IMPA2: variants seen among roughly 807,000 people sequenced by gnomAD.
IMPA2 encodes the protein IMP 2.
IMPA2 carries 32 observed loss-of-function variants against 35.1 expected under a neutral mutation model. That is an observed-to-expected ratio of 0.91 (90% CI 0.69 to 1.23). The LOEUF is 1.23. Among genes scored for constraint, IMPA2 ranks in the 50% most tolerant of loss-of-function variants. The pLI is 0.00. For missense variants in IMPA2, 334 were observed against 387.6 expected, an observed-to-expected ratio of 0.86 and a Z score of 1.16; for synonymous variants, 135 against 160.6, an observed-to-expected ratio of 0.84 and a Z score of 1.20.
In IMPA2 at chr18:12,014,172, C is replaced by G. The variant is rs990857190; in HGVS notation, c.382-93C>G. On this transcript the variant is annotated intron_variant, in intron 4 of 7. Transcript: ENST00000269159. ...ACAGTGTAATGTGTTATCCTAACGC[C>G]TAGCGCAGCCTTCATCTTTGAATAA... is the stretch of plus-strand genomic sequence containing the variant. The G allele has an allele frequency of 9.3e-6, 8 of 856,050 alleles. No individual in the cohort carries two copies. The African/African-American group carries it at 1.3e-4, about 14-fold the overall frequency. 53.0% of individuals were successfully genotyped at this position (856,050 alleles called of 1,614,324 possible). A position where few individuals can be genotyped will look rare whatever the true frequency, so the allele number is the denominator to read the frequency against.
chr18:12,016,393 T>G (rs1907579286), intron 5 of IMPA2, among the ~76,000 whole-genome samples: 1 of 151,698 alleles, frequency 6.6e-6, no homozygotes, highest in Non-Finnish European at 1.5e-5. Context: ...CTTGGCACCA[T>G]GCAGACCCAA....
intron 4 of IMPA2, chr18:12,012,457 A>G (rs1327036016): frequency 1.8e-6 from 1 of 550,946 alleles, no homozygotes. Flanking sequence ...GCCTCGTGTC[A>G]ACCGTGGTCT....
intron 5 of IMPA2, among the ~76,000 whole-genome samples, chr18:12,020,610 A>G (rs1471150714): frequency 6.6e-6 from 1 of 151,882 alleles, no homozygotes; most frequent in Non-Finnish European, 1.5e-5. Context: ...TTGGGCTTTC[A>G]CTATCATTTC....
chr18:12,028,733 T>C, intron 6 of IMPA2, 109 bp from the exon 7 acceptor site: 1 of 1,302,136 alleles, frequency 7.7e-7, no homozygotes, highest in Non-Finnish European at 1.1e-6. Flanking sequence ...CTGTGCTTCA[T>C]TTTTCACTAG....
chr18:12,026,844 A>T (rs992246596), intron 5 of IMPA2, among the ~76,000 whole-genome samples: 1 of 152,256 alleles, frequency 6.6e-6, no homozygotes, highest in Non-Finnish European at 1.5e-5. Flanking sequence ...GAGTGCCCTC[A>T]TAGCTCAGCT....
chr18:11,999,022 T>C (rs1907042673), intron 1 of IMPA2, 32 bp from the exon 2 acceptor site: 1 of 1,568,922 alleles, frequency 6.4e-7, no homozygotes, highest in Non-Finnish European at 8.6e-7. Flanking sequence ...GATGTTTGCA[T>C]GTTTAACCCA....
At chr18:12,030,190 C>G (rs921601041) in intron 7 of IMPA2, among the ~76,000 whole-genome samples, 153 bp from the exon 8 acceptor site, 2 of 152,264 alleles carry the variant, frequency 1.3e-5, no homozygotes, top group Non-Finnish European at 2.9e-5. Flanking sequence ...GCCGAATTCA[C>G]TCCTAGACCA....
chr18:12,017,100 C>T (rs534740587), intron 5 of IMPA2, among the ~76,000 whole-genome samples: 33 of 152,292 alleles, frequency 2.2e-4, no homozygotes, highest in African/African-American at 7.7e-4. Context: ...CTTCAACTCA[C>T]AAGTTAAAAA....
intron 7 of IMPA2, among the ~76,000 whole-genome samples, chr18:12,029,487 T>G (rs902044568): frequency 5.3e-5 from 8 of 151,462 alleles, no homozygotes; most frequent in Non-Finnish European, 1.2e-4. Flanking sequence ...AATGGCATGA[T>G]CTCGGCTCAC....
At chr18:11,984,840 C>T (rs1279974552) in intron 1 of IMPA2, among the ~76,000 whole-genome samples, 3 of 149,802 alleles carry the variant, frequency 2.0e-5, no homozygotes, top group Admixed American at 6.6e-5. Context: ...TGGTGGCGGG[C>T]GCCTGTAGTC....
At chr18:12,006,955 C>T (rs1184553521) in intron 2 of IMPA2, among the ~76,000 whole-genome samples, 1 of 152,166 alleles carries the variant, frequency 6.6e-6, no homozygotes. Flanking sequence ...CATGGTGAAA[C>T]CCCATCTCTA....
intron 4 of IMPA2, among the ~76,000 whole-genome samples, chr18:12,012,994 G>A (rs1907475808): frequency 6.6e-6 from 1 of 152,220 alleles, no homozygotes; most frequent in African/African-American, 2.4e-5. Context: ...TTGTAATACT[G>A]TAATTTGTCT....
intron 2 of IMPA2, among the ~76,000 whole-genome samples, chr18:12,005,173 C>T (rs1448007523): frequency 6.6e-6 from 1 of 152,222 alleles, no homozygotes; most frequent in Non-Finnish European, 1.5e-5. Flanking sequence ...AAGGGGGATG[C>T]TCGTGCCACC....
Position 11,991,702 on chromosome 18 carries a change from G to A in IMPA2, c.97-7352G>A, listed in dbSNP as rs682271. The stretch of plus-strand genomic sequence containing the variant: ...TGGACAGAGTCCCAAGGCCATTTGC[G>A]GAGAACCCCCTCTTACTTGGGGGAG... On this transcript the variant is annotated intron_variant, in intron 1 of 7. Coordinates refer to ENST00000269159, the MANE Select transcript of IMPA2 (RefSeq NM_014214.3). This position sits in a 1 kb window ranked among gnomAD's most constrained non-coding sequence, Gnocchi z 4.1. Among the ~76,000 whole-genome samples, 1 of 151,936 alleles carries A rather than the reference G, an allele frequency of 6.6e-6. No individual in the cohort carries two copies. The highest frequency in any genetic ancestry group is 1.5e-5 in the Non-Finnish European group (1 of 67,988).
At chr18:11,994,613 A>C (rs1335168531) in intron 1 of IMPA2, among the ~76,000 whole-genome samples, 1 of 152,242 alleles carries the variant, frequency 6.6e-6, no homozygotes, top group East Asian at 1.9e-4. Context: ...AAGGTGACAC[A>C]AAAGGACATA....
chr18:12,028,470 A>G (rs1334659938), intron 6 of IMPA2: 1 of 440,068 alleles, frequency 2.3e-6, no homozygotes, highest in Non-Finnish European at 4.1e-6. Flanking sequence ...CAGGTTTATC[A>G]AAGCCCAGTG....
rs1907393963 is a variant in IMPA2, at chr18:12,010,141, T to C, written c.335+154T>C. The C allele has an allele frequency of 1.8e-6, 1 of 544,744 alleles. No individual in the cohort carries two copies. Among genetic ancestry groups the C allele is most frequent in the Non-Finnish European group, 3.2e-6 (1 of 309,022 alleles). The allele number at this position is 544,744 out of a possible 1,614,324, so 33.7% of individuals were successfully genotyped here. ...CATCAGAAAGATGATCAGATCTTGA[T>C]ATTTTTAAAATAAGGTTTTCCGTTT... On this transcript the variant is annotated intron_variant, in intron 3 of 7. Transcript: ENST00000269159. This position sits in a 1 kb window ranked among gnomAD's most constrained non-coding sequence, Gnocchi z 4.8.
chr18:12,024,644 A>G (rs1318445533), intron 5 of IMPA2, among the ~76,000 whole-genome samples: 1 of 152,252 alleles, frequency 6.6e-6, no homozygotes. Flanking sequence ...TTTCCTGGCC[A>G]AAGTATCATG....
intron 2 of IMPA2, among the ~76,000 whole-genome samples, chr18:12,007,421 C>G (rs1319747398): frequency 6.6e-6 from 1 of 152,196 alleles, no homozygotes; most frequent in East Asian, 1.9e-4. Flanking sequence ...TTTCCATTCA[C>G]ACTCAAGTCT....
Sources: allele counts gnomAD v4.1 joint callset (sites outside exome capture counted in the v4.1 genomes callset), GRCh38; gene constraint gnomAD v4.1.1; non-coding constraint Gnocchi (gnomAD v3.1); transcripts MANE v1.5; gene names NCBI Gene and HGNC (gene_info 2026-07-23, HGNC 2026-07-21).